Variants in ELAVL2 observed in about 807,000 individuals in gnomAD.
The protein encoded by ELAVL2 is ELAV-like protein 2.
Under a neutral mutation model 34.6 loss-of-function variants are expected in ELAVL2, and 4 were observed. That is an observed-to-expected ratio of 0.12 (90% CI 0.06 to 0.26). ELAVL2 has a LOEUF of 0.26. Ranked by LOEUF, ELAVL2 falls within the 10% of genes least tolerant of loss-of-function variation. ELAVL2 has a pLI of 1.00. For synonymous variants in ELAVL2, 193 were observed against 154.8 expected, an observed-to-expected ratio of 1.25 and a Z score of -1.83; for missense variants, 432 against 442.8, an observed-to-expected ratio of 0.98 and a Z score of 0.22.
At chr9:23,761,479 C>G (rs1470110878) in intron 2 of ELAVL2, among the ~76,000 whole-genome samples, 1 of 152,042 alleles carries the variant, frequency 6.6e-6, no homozygotes, top group Non-Finnish European at 1.5e-5. Context: ...ATACCATGTC[C>G]TTTCCTTGTT....
intron 2 of ELAVL2, among the ~76,000 whole-genome samples, chr9:23,740,475 A>G (rs931724524): frequency 1.3e-5 from 2 of 152,164 alleles, no homozygotes; most frequent in African/African-American, 4.8e-5. Flanking sequence ...GCCTTTGGCC[A>G]TGTGTGGAAA....
chr9:23,723,843 G>C lies in ELAVL2; in HGVS notation c.333+7179C>G, dbSNP rs117187983. 7.6e-4 allele frequency among the ~76,000 whole-genome samples: 116 copies of C among 152,132 alleles called. No homozygotes were observed. In the East Asian group the frequency reaches 0.018, roughly 24 times the overall value. ...AATTTCTGATAAACAGTAAGTTTCA[G>C]TGACATCCCCACCACATGCCCCTTT... On this transcript the variant is annotated intron_variant, in intron 3 of 6. Transcript: ENST00000397312.
chr9:23,790,495 CACTAAAAACTTGAAGGAAGTGAAATAGTA>C (rs2060205181), intron 1 of ELAVL2, among the ~76,000 whole-genome samples: 1 of 152,100 alleles, frequency 6.6e-6, no homozygotes, highest in Non-Finnish European at 1.5e-5. Context: ...AATGAGGCCA[CACTAAAAACTTGAAGGAAGTGAAATAGTA>C]TCCTTCATCT....
intron 1 of ELAVL2, among the ~76,000 whole-genome samples, chr9:23,814,731 CT>C (rs2063478285): frequency 6.6e-6 from 1 of 152,132 alleles, no homozygotes; most frequent in Non-Finnish European, 1.5e-5. Flanking sequence ...TTAACACATT[CT>C]GGATACCTCT....
chr9:23,754,445 GTTTT>G (rs113168156), intron 2 of ELAVL2, among the ~76,000 whole-genome samples: 2 of 146,632 alleles, frequency 1.4e-5, no homozygotes, highest in Admixed American at 1.4e-4. Context: ...TTGGCATTAA[GTTTT>G]TTTTTTTTAT....
intron 1 of ELAVL2, among the ~76,000 whole-genome samples, chr9:23,769,100 C>G (rs1233399955): frequency 6.6e-6 from 1 of 152,144 alleles, no homozygotes; most frequent in Non-Finnish European, 1.5e-5. Context: ...CAGCCCAGTA[C>G]AAAGGCCTTC....
rs540052315 is a variant in ELAVL2, at chr9:23,815,621, C to T, written c.-16+10185G>A. Among the ~76,000 whole-genome samples, 26 of 152,206 alleles carry T rather than the reference C, an allele frequency of 1.7e-4. 1 individual carries two copies. In the South Asian group the frequency reaches 5.4e-3, roughly 32 times the overall value. On this transcript the variant is annotated intron_variant, in intron 1 of 6. Coordinates refer to ENST00000397312, the MANE Select transcript of ELAVL2 (RefSeq NM_004432.5). ...TTGTACTTCAATATGCTCATCTTTA[C>T]GTGGTCCTTGAGATGGGGAGGGTAA...
chr9:23,732,221 G>A (rs562918115), intron 2 of ELAVL2, among the ~76,000 whole-genome samples: 1 of 152,306 alleles, frequency 6.6e-6, no homozygotes, highest in African/African-American at 2.4e-5. Context: ...ATGGGGCACC[G>A]TAGGTGCAAG....
rs1186342597 is a variant in ELAVL2 at position 23,690,998 on chromosome 9, TG to T, written c.*1558del. 3 of 152,608 alleles carry T rather than the reference TG, an allele frequency of 2.0e-5. No homozygotes were observed. Among genetic ancestry groups the T allele is most frequent in the African/African-American group, 2.4e-5 (1 of 41,468 alleles). 9.5% of individuals were successfully genotyped at this position (152,608 alleles called of 1,614,324 possible). ...TTTGTATGAAAAATGTAAGGAAATTTGTTCAAAACCTATGGTTATACTCATT... is the reference window on the plus strand; with the variant it reads ...TTTGTATGAAAAATGTAAGGAAATTTTTCAAAACCTATGGTTATACTCATT... On this transcript the variant is annotated 3_prime_UTR_variant, in exon 7 of 7. Coordinates refer to ENST00000397312, the MANE Select transcript of ELAVL2 (RefSeq NM_004432.5).
intron 1 of ELAVL2, among the ~76,000 whole-genome samples, chr9:23,794,845 ATCTTC>A (rs2060723113): frequency 6.6e-6 from 1 of 152,142 alleles, no homozygotes; most frequent in Admixed American, 6.5e-5. Context: ...TAATCCTTCC[ATCTTC>A]TCTTGTTTTA....
Position 23,762,127 on chromosome 9 carries a change from G to A in ELAVL2, c.108C>T (p.Asp36=), listed in dbSNP as rs143705199. The part of the protein sequence containing the change: ...SSPVDSGNTE[D]SKTNLIVNYL... The stretch of plus-strand genomic sequence containing the variant: ...AGTTGACTATTAAGTTGGTCTTGCT[G>A]TCTTCTGTGTTCCCAGAGTCAACTG... The change falls in exon 2 of 7, where the codon GAC becomes GAT. Residue 36 remains aspartate, a synonymous_variant. Coordinates refer to ENST00000397312, the MANE Select transcript of ELAVL2 (RefSeq NM_004432.5). The A allele has an allele frequency of 1.2e-6, 2 of 1,613,574 alleles. No individual in the cohort carries two copies. Among genetic ancestry groups the A allele is most frequent in the Admixed American group, 1.7e-5 (1 of 59,982 alleles).
At chr9:23,743,138 C>G (rs917875249) in intron 2 of ELAVL2, among the ~76,000 whole-genome samples, 1 of 152,042 alleles carries the variant, frequency 6.6e-6, no homozygotes, top group African/African-American at 2.4e-5. Flanking sequence ...ACCATGGCTA[C>G]GAATTAAGTC....
chr9:23,797,750 A>G (rs2061121655), intron 1 of ELAVL2, among the ~76,000 whole-genome samples: 1 of 152,142 alleles, frequency 6.6e-6, no homozygotes, highest in South Asian at 2.1e-4. Context: ...CAACATGGAG[A>G]AAACCCCGCC....
At chr9:23,802,587 A>C (rs1259564795) in intron 1 of ELAVL2, among the ~76,000 whole-genome samples, 1 of 152,200 alleles carries the variant, frequency 6.6e-6, no homozygotes, top group Non-Finnish European at 1.5e-5. Context: ...CCTGCCTTCC[A>C]AGAATCCATT....
chr9:23,761,986 AT>A lies in ELAVL2; in HGVS notation c.229+19del. The A allele has an allele frequency of 2.5e-6, 4 of 1,596,924 alleles. No individual in the cohort carries two copies. Among genetic ancestry groups the A allele is most frequent in the Non-Finnish European group, 3.4e-6 (4 of 1,170,038 alleles). ...AGACACGATCCGTTAAATATAAATCATCTACATAAAACTGCTTACCTGTTAT... is the reference window on the plus strand; with the variant it reads ...AGACACGATCCGTTAAATATAAATCACTACATAAAACTGCTTACCTGTTAT... On this transcript the variant is annotated intron_variant, in intron 2 of 6. Transcript: ENST00000397312.
At chr9:23,724,984 C>T (rs978612510) in intron 3 of ELAVL2, among the ~76,000 whole-genome samples, 1 of 152,012 alleles carries the variant, frequency 6.6e-6, no homozygotes, top group Non-Finnish European at 1.5e-5. Context: ...TCCAAATCTG[C>T]TCAAGGTAAA....
intron 2 of ELAVL2, 75 bp downstream of exon 2, chr9:23,761,931 G>A: frequency 6.9e-7 from 1 of 1,458,974 alleles, no homozygotes; most frequent in Non-Finnish European, 9.1e-7. Context: ...TTATTTACAA[G>A]CAGTAATCTT....
intron 2 of ELAVL2, among the ~76,000 whole-genome samples, chr9:23,733,321 T>C (rs2047063994): frequency 1.3e-5 from 2 of 152,152 alleles, no homozygotes; most frequent in African/African-American, 2.4e-5. Flanking sequence ...GGCTGGGCCA[T>C]GCTTGAACTC....
chr9:23,751,052 C>G (rs1422032684), intron 2 of ELAVL2, among the ~76,000 whole-genome samples: 1 of 152,032 alleles, frequency 6.6e-6, no homozygotes, highest in African/African-American at 2.4e-5. Flanking sequence ...GTCAAGGGCC[C>G]CATCAGATCT....
Sources: gnomAD v4.1 joint callset for allele counts (sites outside exome capture counted in the v4.1 genomes callset) on GRCh38, gnomAD v4.1.1 for gene constraint, MANE v1.5 for transcripts, NCBI Gene and HGNC (gene_info 2026-07-23, HGNC 2026-07-21) for gene names.